PFKL: variants seen among roughly 807,000 people sequenced by gnomAD.
The protein encoded by PFKL is ATP-dependent 6-phosphofructokinase, liver type.
In PFKL, 74 loss-of-function variants were observed where a neutral mutation model predicts 92.1. The ratio of observed to expected loss-of-function variants is 0.80; its 90% CI spans 0.67 to 0.97. The LOEUF (loss-of-function observed/expected upper bound fraction) is 0.97, where lower values mean the gene tolerates loss of function less well. Among genes scored for constraint, PFKL ranks in the 50% least tolerant of loss-of-function variants. PFKL has a pLI of 0.00. For synonymous variants in PFKL, 494 were observed against 456.4 expected (o/e 1.08, Z -1.05); for missense variants, 1,028 against 1,116.6 (o/e 0.92, Z 1.13).
At chr21:44,319,594 C>A (rs1474494230) in intron 11 of PFKL, 179 bp downstream of exon 11, 2 of 618,368 alleles carry the variant, frequency 3.2e-6, no homozygotes, top group Non-Finnish European at 5.8e-6. Flanking sequence ...AGGTGTGGTA[C>A]CACAGGAGAC....
chr21:44,312,652 A>G (rs984488652), intron 4 of PFKL, among the ~76,000 whole-genome samples: 2 of 152,234 alleles, frequency 1.3e-5, no homozygotes, highest in Admixed American at 6.5e-5. Flanking sequence ...TTGGGGTGAC[A>G]TAAGACACAG....
chr21:44,324,751 A>AGGTGGGACGCGTAGCCC (rs1379594064), intron 17 of PFKL, 96 bp downstream of exon 17: 67 of 1,566,550 alleles, frequency 4.3e-5, no homozygotes, highest in Non-Finnish European at 5.6e-5. Context: ...GGGCCCGGGC[A>AGGTGGGACGCGTAGCCC]GGTGGGACGC....
intron 3 of PFKL, among the ~76,000 whole-genome samples, 163 bp downstream of exon 3, chr21:44,311,246 A>G (rs1323462135): frequency 6.6e-6 from 1 of 151,928 alleles, no homozygotes; most frequent in Non-Finnish European, 1.5e-5. Flanking sequence ...ACAGATGTGC[A>G]CACACACAGA....
intron 19 of PFKL, chr21:44,325,465 G>C: frequency 1.7e-6 from 1 of 588,366 alleles, no homozygotes; most frequent in Non-Finnish European, 3.0e-6. Context: ...GGCTGGGGCT[G>C]GAGCCGGGGC....
intron 1 of PFKL, chr21:44,305,483 G>A (rs967289086): frequency 7.9e-7 from 1 of 1,270,242 alleles, no homozygotes; most frequent in Non-Finnish European, 1.0e-6. Flanking sequence ...GGGGCACGAG[G>A]CTTGGGGACA....
At chr21:44,303,441 A>AAAAAAAGAATTGATCG (rs1555874959) in intron 1 of PFKL, among the ~76,000 whole-genome samples, 1 of 97,136 alleles carries the variant, frequency 1.0e-5, no homozygotes, top group East Asian at 2.7e-4. Flanking sequence ...ACCAAAAAAA[A>AAAAAAAGAATTGATCG]AAAAAAAAAA....
At chr21:44,303,892 C>T (rs1021781388) in intron 1 of PFKL, among the ~76,000 whole-genome samples, 2 of 152,066 alleles carry the variant, frequency 1.3e-5, no homozygotes, top group Admixed American at 6.6e-5. Flanking sequence ...CCTCTGACTG[C>T]GGTGTCGGCG....
At chr21:44,303,032 A>T (rs1368417210) in intron 1 of PFKL, among the ~76,000 whole-genome samples, 2 of 152,142 alleles carry the variant, frequency 1.3e-5, no homozygotes, top group African/African-American at 4.8e-5. Flanking sequence ...TAGGAGTTCA[A>T]GACCATCCTG....
intron 7 of PFKL, 57 bp downstream of exon 7, chr21:44,314,078 C>T (rs2146467346): frequency 7.9e-7 from 1 of 1,270,938 alleles, no homozygotes; most frequent in Non-Finnish European, 1.1e-6. Flanking sequence ...TGGGTAGCGC[C>T]CCTGGGGTTT....
intron 21 of PFKL, 76 bp downstream of exon 21, chr21:44,326,340 A>AGTGGGGCTGGGTCT: frequency 8.7e-7 from 1 of 1,143,404 alleles, no homozygotes; most frequent in Non-Finnish European, 1.3e-6. Flanking sequence ...CAGGTGTGCC[A>AGTGGGGCTGGGTCT]GGCCCAGCCC....
At chr21:44,305,818 G>T (rs2040918873) in intron 1 of PFKL, 1 of 1,366,770 alleles carries the variant, frequency 7.3e-7, no homozygotes, top group African/African-American at 1.5e-5. Context: ...CTTTGCCAAG[G>T]CCCCCGCTGG....
chr21:44,305,891 T>C (rs140776050), intron 1 of PFKL: 9 of 1,365,076 alleles, frequency 6.6e-6, no homozygotes, highest in Non-Finnish European at 7.8e-6. Context: ...AAAGAGGAAG[T>C]GACCTCAGAG....
Position 44,316,469 on chromosome 21 carries a change from CTG to C in PFKL, c.884_885del (p.Val295AlafsTer35). ...AGGCTGGGCTTCGACACCCGTGTAA[CTG>C]TGCTGGGCCACGTGCAGCGGGGAGG... On this transcript the variant is annotated frameshift_variant, in exon 9 of 22. Transcript: ENST00000349048. LOFTEE classifies it high-confidence loss of function. 1.2e-6 allele frequency: 2 copies of C among 1,609,884 alleles called. No individual in the cohort carries two copies. Among genetic ancestry groups the C allele is most frequent in the Non-Finnish European group, 1.7e-6 (2 of 1,177,460 alleles).
rs2047126371 is a variant in PFKL at position 44,313,906 on chromosome 21, C to T, written c.639-7C>T. ...GGTCCTGAGCAGGCAGGCGCTCGCT[C>T]CTCCAGGTACCTGGCGCTGGTATCT... On this transcript the variant is annotated splice_region_variant and splice_polypyrimidine_tract_variant and intron_variant, in intron 6 of 21. Coordinates refer to ENST00000349048, the MANE Select transcript of PFKL (RefSeq NM_002626.6). 3.8e-6 allele frequency: 6 copies of T among 1,580,948 alleles called. No individual in the cohort carries two copies. Among genetic ancestry groups the T allele is most frequent in the South Asian group, 3.4e-5 (3 of 87,076 alleles).
At chr21:44,313,559 C>T in intron 5 of PFKL, 79 bp from the exon 6 acceptor site, 1 of 1,414,888 alleles carries the variant, frequency 7.1e-7, no homozygotes, top group South Asian at 1.2e-5. Flanking sequence ...CCACTGGGTC[C>T]CTTGAGCACC....
Position 44,318,561 on chromosome 21 carries a change from C to G in PFKL, c.1028C>G (p.Ser343Ter). The G allele has an allele frequency of 1.3e-6, 2 of 1,566,632 alleles. No individual in the cohort carries two copies. The highest frequency in any genetic ancestry group is 1.7e-6 in the Non-Finnish European group (2 of 1,149,320). ...GTGGTCACCCTCTCGGGGAACCAGT[C>G]AGTGCGGCTGCCCCTCATGGAGTGC... is the stretch of plus-strand genomic sequence containing the variant. ...ACVVTLSGNQ[S>*]VRLPLMECVQ... Residue 343 changes from serine (S) to a stop codon, truncating the protein, a stop_gained, in exon 10 of 22, where the codon TCA (serine) becomes TGA (stop). Coordinates refer to ENST00000349048, the MANE Select transcript of PFKL (RefSeq NM_002626.6). LOFTEE classifies it high-confidence loss of function.
chr21:44,310,969 G>T, intron 2 of PFKL, 37 bp from the exon 3 acceptor site: 1 of 1,539,402 alleles, frequency 6.5e-7, no homozygotes. Context: ...CCGCCATGGG[G>T]TCCCCTATCT....
At chr21:44,314,171 G>T in intron 7 of PFKL, 150 bp downstream of exon 7, 1 of 635,248 alleles carries the variant, frequency 1.6e-6, no homozygotes, top group Non-Finnish European at 2.8e-6. Context: ...GACACGCAAG[G>T]AGTGGGGGGC....
At chr21:44,324,348 C>G in intron 16 of PFKL, 143 bp from the exon 17 acceptor site, 1 of 837,110 alleles carries the variant, frequency 1.2e-6, no homozygotes, top group Non-Finnish European at 1.8e-6. Flanking sequence ...GAGGTGGGCC[C>G]AAGCCTGGTG....
Sources: allele counts gnomAD v4.1 joint callset (sites outside exome capture counted in the v4.1 genomes callset), GRCh38; gene constraint gnomAD v4.1.1; transcripts MANE v1.5; gene names NCBI Gene and HGNC (gene_info 2026-07-23, HGNC 2026-07-21).